The following SLCO3A1 variants were observed in gnomAD, a reference collection of about 807,000 sequenced individuals.
SLCO3A1 encodes solute carrier organic anion transporter family member 3A1.
Under a neutral mutation model 63.1 loss-of-function variants are expected in SLCO3A1, and 27 were observed. That is an observed-to-expected ratio of 0.43 (90% CI 0.32 to 0.59). SLCO3A1 has a LOEUF of 0.59. Among genes scored for constraint, SLCO3A1 ranks in the 20% least tolerant of loss-of-function variants. The pLI is 0.09. For synonymous variants in SLCO3A1, 473 were observed against 409.9 expected, an observed-to-expected ratio of 1.15 and a Z score of -1.86; for missense variants, 773 against 945.8, an observed-to-expected ratio of 0.82 and a Z score of 2.40.
At chr15:91,986,244 T>A (rs2046051174) in intron 2 of SLCO3A1, among the ~76,000 whole-genome samples, 1 of 152,108 alleles carries the variant, frequency 6.6e-6, no homozygotes, top group African/African-American at 2.4e-5. Flanking sequence ...CAGCTGAGCC[T>A]GGGTCAGGGG....
At chr15:92,085,747 A>G (rs1306486140) in intron 2 of SLCO3A1, among the ~76,000 whole-genome samples, 1 of 152,216 alleles carries the variant, frequency 6.6e-6, no homozygotes, top group Admixed American at 6.5e-5. Flanking sequence ...CTAGCATTGG[A>G]GAATCTCCTC....
rs1222731163 is a variant in SLCO3A1, at chr15:92,032,013, G to A, written c.647-62868G>A. On this transcript the variant is annotated intron_variant, in intron 2 of 9. Coordinates refer to ENST00000318445, the MANE Select transcript of SLCO3A1 (RefSeq NM_013272.4). ...TGGATGTCAGTTCTGTCCACTCTCA[G>A]GATTGGCATGGGGACTGAGGCCCAG... Among the ~76,000 whole-genome samples, 34 of 152,132 alleles carry A rather than the reference G, an allele frequency of 2.2e-4. 1 individual carries two copies. The highest frequency in any genetic ancestry group is 2.2e-3 in the Admixed American group (33 of 15,280).
Position 92,033,089 on chromosome 15 carries a change from T to C in SLCO3A1, c.647-61792T>C, listed in dbSNP as rs1249149384. 6.6e-6 allele frequency among the ~76,000 whole-genome samples: 1 copy of C among 152,154 alleles called. No homozygotes were observed. Among genetic ancestry groups the C allele is most frequent in the Non-Finnish European group, 1.5e-5 (1 of 68,032 alleles). Reference sequence around the variant, plus strand: ...GTATGTACAGGAAACTTTGTGATGCTATCTTATTTATATAGAATTTTAGAA... The same window carrying C: ...GTATGTACAGGAAACTTTGTGATGCCATCTTATTTATATAGAATTTTAGAA... On this transcript the variant is annotated intron_variant, in intron 2 of 9. Transcript: ENST00000318445. The surrounding 1 kb of genome is among the most constrained non-coding windows in gnomAD (Gnocchi z 4.5).
chr15:92,080,183 G>A (rs1430298359), intron 2 of SLCO3A1, among the ~76,000 whole-genome samples: 2 of 152,144 alleles, frequency 1.3e-5, no homozygotes, highest in Non-Finnish European at 2.9e-5. Context: ...AGCTTTGTGG[G>A]ATATCGTTAT....
intron 2 of SLCO3A1, among the ~76,000 whole-genome samples, chr15:92,057,188 C>A (rs1356891877): frequency 6.6e-6 from 1 of 152,182 alleles, no homozygotes; most frequent in Non-Finnish European, 1.5e-5. Context: ...GGCCTGATTG[C>A]CACCTGGACT....
At chr15:91,990,092 G>A (rs1352394327) in intron 2 of SLCO3A1, among the ~76,000 whole-genome samples, 1 of 152,146 alleles carries the variant, frequency 6.6e-6, no homozygotes, top group East Asian at 1.9e-4. Context: ...TTAAAATGAT[G>A]GCGGGAGGGC....
chr15:91,914,016 G>A lies in SLCO3A1; in HGVS notation c.181-1977G>A, dbSNP rs1316415431. On this transcript the variant is annotated intron_variant, in intron 1 of 9. Coordinates refer to ENST00000318445, the MANE Select transcript of SLCO3A1 (RefSeq NM_013272.4). ...GTGACCCCTACACTATTAAACCTTT[G>A]CTGTTCTCCGGTGTTCACAGATAAA... 2.6e-5 allele frequency among the ~76,000 whole-genome samples: 4 copies of A among 152,018 alleles called. No individual in the cohort carries two copies. In the East Asian group the frequency reaches 7.7e-4, roughly 29 times the overall value.
Position 92,033,734 on chromosome 15 carries a change from G to C in SLCO3A1, c.647-61147G>C, listed in dbSNP as rs1434033177. ...GGCTCGCTGGTGGCAAAAAAGACGG[G>C]GATAGGAGTGTTGGGAGTCGTACAG... On this transcript the variant is annotated intron_variant, in intron 2 of 9. Coordinates refer to ENST00000318445, the MANE Select transcript of SLCO3A1 (RefSeq NM_013272.4). The surrounding 1 kb of genome is among the most constrained non-coding windows in gnomAD (Gnocchi z 4.5). Among the ~76,000 whole-genome samples the C allele has an allele frequency of 6.6e-6, 1 of 152,170 alleles. No homozygotes were observed. The highest frequency in any genetic ancestry group is 6.5e-5 in the Admixed American group (1 of 15,278).
At chr15:91,857,067 TGTGA>T (rs755910159) in intron 1 of SLCO3A1, among the ~76,000 whole-genome samples, 216 of 135,238 alleles carry the variant, frequency 1.6e-3, no homozygotes, top group Middle Eastern at 7.6e-3. Flanking sequence ...TGTGTGTGTG[TGTGA>T]GAGAGAGAGA....
intron 2 of SLCO3A1, among the ~76,000 whole-genome samples, chr15:92,055,388 C>G (rs918834131): frequency 6.6e-6 from 1 of 152,126 alleles, no homozygotes; most frequent in African/African-American, 2.4e-5. Context: ...TCATCCCGTT[C>G]AGTGTGTTGT....
chr15:92,104,369 C>A lies in SLCO3A1; in HGVS notation c.836C>A (p.Ser279Tyr). ...LLCGALLFFS[S>Y]LLMFGFPQSL... The stretch of plus-strand genomic sequence containing the variant: ...TGCGGTGCCTTACTCTTCTTCTCTT[C>A]CCTCTTGATGTTTGGGTTTCCACAG... The change falls in exon 4 of 10, where the codon TCC becomes TAC. Residue 279 changes from serine (S) to tyrosine (Y), a missense_variant. Ser to Tyr is a moderately radical substitution (Grantham distance 144, BLOSUM62 -2). Coordinates refer to ENST00000318445, the MANE Select transcript of SLCO3A1 (RefSeq NM_013272.4). 6.2e-7 allele frequency: 1 copy of A among 1,614,182 alleles called. No homozygotes were observed. The highest frequency in any genetic ancestry group is 8.5e-7 in the Non-Finnish European group (1 of 1,180,040).
rs116318688 is a variant in SLCO3A1 at position 92,048,480 on chromosome 15, C to A, written c.647-46401C>A. Among the ~76,000 whole-genome samples, 1,347 of 152,232 alleles carry A rather than the reference C, an allele frequency of 8.8e-3. 16 individuals are homozygous for A. Among genetic ancestry groups the A allele is most frequent in the African/African-American group, 0.031 (1,280 of 41,534 alleles). On this transcript the variant is annotated intron_variant, in intron 2 of 9. Coordinates refer to ENST00000318445, the MANE Select transcript of SLCO3A1 (RefSeq NM_013272.4). The stretch of plus-strand genomic sequence containing the variant: ...TCCTCAGCAGCACTGACATTCAGAC[C>A]AGATCGTTGTTGCTTGGAAGTGACC...
intron 7 of SLCO3A1, among the ~76,000 whole-genome samples, chr15:92,131,932 C>T (rs912064279): frequency 1.4e-5 from 2 of 145,752 alleles, no homozygotes; most frequent in Non-Finnish European, 3.1e-5. Context: ...TCTAATGGCT[C>T]ATTTACTCTG....
intron 2 of SLCO3A1, among the ~76,000 whole-genome samples, chr15:92,052,868 G>A (rs1264805555): frequency 1.3e-5 from 2 of 151,560 alleles, no homozygotes; most frequent in Non-Finnish European, 2.9e-5. Flanking sequence ...TTTTGGCTAC[G>A]TTAAGTTAAA....
chr15:92,042,187 G>A (rs1309831448), intron 2 of SLCO3A1, among the ~76,000 whole-genome samples: 1 of 152,130 alleles, frequency 6.6e-6, no homozygotes, highest in Non-Finnish European at 1.5e-5. Context: ...ATCTTTCCTT[G>A]AGTAAACACT....
At chr15:92,084,100 C>T (rs529666401) in intron 2 of SLCO3A1, among the ~76,000 whole-genome samples, 23 of 152,264 alleles carry the variant, frequency 1.5e-4, no homozygotes, top group Non-Finnish European at 2.9e-4. Flanking sequence ...TGTAAATTAA[C>T]TTACATGGTT....
chr15:92,138,024 G>T lies in SLCO3A1; in HGVS notation c.1513-8960G>T, dbSNP rs2048081157. Among the ~76,000 whole-genome samples, 2 of 110,686 alleles carry T rather than the reference G, an allele frequency of 1.8e-5. 1 individual carries two copies. Among genetic ancestry groups the T allele is most frequent in the African/African-American group, 9.5e-5 (2 of 21,024 alleles). 72.6% of individuals were successfully genotyped at this position (110,686 alleles called of 152,430 possible). On this transcript the variant is annotated intron_variant, in intron 7 of 9. Coordinates refer to ENST00000318445, the MANE Select transcript of SLCO3A1 (RefSeq NM_013272.4). ...TTGTCTTTTGTTGCCATTGCTTTTG[G>T]TGTTTTGGACATGAAGTCCTTGCCC...
At chr15:92,078,511 C>T (rs1456978169) in intron 2 of SLCO3A1, among the ~76,000 whole-genome samples, 6 of 152,214 alleles carry the variant, frequency 3.9e-5, no homozygotes, top group Non-Finnish European at 5.9e-5. Flanking sequence ...ACAGCCACAC[C>T]ACTGACTCTT....
intron 2 of SLCO3A1, among the ~76,000 whole-genome samples, chr15:92,003,410 A>G (rs1300928908): frequency 6.6e-6 from 1 of 152,150 alleles, no homozygotes; most frequent in Non-Finnish European, 1.5e-5. Flanking sequence ...CCTTTTGCTT[A>G]TTAGTACTTT....
Sources: gnomAD v4.1 joint callset for allele counts (sites outside exome capture counted in the v4.1 genomes callset) on GRCh38, gnomAD v4.1.1 for gene constraint, Gnocchi (gnomAD v3.1) non-coding constraint, MANE v1.5 for transcripts, NCBI Gene and HGNC (gene_info 2026-07-23, HGNC 2026-07-21) for gene names.